Variants in SEL1L3 observed in about 807,000 individuals in gnomAD.
The protein encoded by SEL1L3 is protein sel-1 homolog 3.
Under a neutral mutation model 142.8 loss-of-function variants are expected in SEL1L3, and 76 were observed. That is an observed-to-expected ratio of 0.53 (90% CI 0.44 to 0.64). SEL1L3 has a LOEUF of 0.64. Among genes scored for constraint, SEL1L3 ranks in the 30% least tolerant of loss-of-function variants. SEL1L3 has a pLI of 0.00. For synonymous variants in SEL1L3, 504 were observed against 519.6 expected (o/e 0.97, Z 0.41); for missense variants, 1,262 against 1,381.7 (o/e 0.91, Z 1.37).
At chr4:25,828,030 T>C (rs74775166) in intron 6 of SEL1L3, among the ~76,000 whole-genome samples, 3 of 152,346 alleles carry the variant, frequency 2.0e-5, no homozygotes, top group East Asian at 3.9e-4. Context: ...CCACCTGTTA[T>C]ATAACAACAC....
At chr4:25,809,291 C>T (rs1713852096) in intron 9 of SEL1L3, among the ~76,000 whole-genome samples, 1 of 147,044 alleles carries the variant, frequency 6.8e-6, no homozygotes, top group South Asian at 2.2e-4. Flanking sequence ...TACAGGGATG[C>T]ACACCGTGCT....
intron 3 of SEL1L3, among the ~76,000 whole-genome samples, chr4:25,834,177 G>C (rs1577674795): frequency 6.6e-6 from 1 of 152,136 alleles, no homozygotes; most frequent in Non-Finnish European, 1.5e-5. Context: ...CTGGACTGGG[G>C]CTATTTTAGT....
chr4:25,815,368 A>G (rs958152028), intron 9 of SEL1L3, among the ~76,000 whole-genome samples: 1 of 152,208 alleles, frequency 6.6e-6, no homozygotes, highest in Non-Finnish European at 1.5e-5. Flanking sequence ...GCCCATACCC[A>G]GGGAGTCTTA....
intron 1 of SEL1L3, among the ~76,000 whole-genome samples, chr4:25,851,338 A>AT (rs979781596): frequency 3.6e-4 from 54 of 152,040 alleles, no homozygotes; most frequent in African/African-American, 1.3e-3. Flanking sequence ...GTCACTTCCC[A>AT]TTTTTTTGCT....
intron 2 of SEL1L3, among the ~76,000 whole-genome samples, chr4:25,838,853 A>C (rs1158144003): frequency 6.6e-6 from 1 of 152,208 alleles, no homozygotes; most frequent in Non-Finnish European, 1.5e-5. Context: ...CAGCTGAGTG[A>C]TCAGAACCCT....
At chr4:25,820,651 A>G (rs181454742) in intron 7 of SEL1L3, among the ~76,000 whole-genome samples, 6 of 152,380 alleles carry the variant, frequency 3.9e-5, no homozygotes, top group African/African-American at 1.4e-4. Context: ...AGAACACAAA[A>G]TATCAGCGTG....
At chr4:25,784,456 T>A (rs1368651175) in intron 13 of SEL1L3, among the ~76,000 whole-genome samples, 166 bp from the exon 14 acceptor site, 1 of 152,230 alleles carries the variant, frequency 6.6e-6, no homozygotes, top group Non-Finnish European at 1.5e-5. Flanking sequence ...ATTATCATCA[T>A]CATTATTATT....
chr4:25,751,794 G>A (rs1412211497), intron 23 of SEL1L3, among the ~76,000 whole-genome samples: 1 of 151,868 alleles, frequency 6.6e-6, no homozygotes, highest in African/African-American at 2.4e-5. Flanking sequence ...ATCAGTCAAT[G>A]TTTTTGTTGA....
intron 13 of SEL1L3, among the ~76,000 whole-genome samples, chr4:25,784,550 T>TG (rs551920410): frequency 1.1e-3 from 161 of 152,276 alleles, no homozygotes; most frequent in African/African-American, 3.7e-3. Flanking sequence ...ACCCTGTCAA[T>TG]CCACAGGTAC....
intron 11 of SEL1L3, among the ~76,000 whole-genome samples, chr4:25,796,935 G>C (rs569179892): frequency 9.3e-5 from 14 of 151,236 alleles, no homozygotes; most frequent in African/African-American, 3.2e-4. Flanking sequence ...ATGGAAGAGA[G>C]GTAATGAAAG....
Position 25,847,707 on chromosome 4 carries a change from T to C in SEL1L3, c.320A>G (p.Gln107Arg), listed in dbSNP as rs16877661. The C allele has an allele frequency of 3.5e-3, 5,722 of 1,613,906 alleles. 165 individuals are homozygous for C. The African/African-American group carries it at 0.065, about 18-fold the overall frequency. ...TGCTTCCAAATTGACAACACAAGGC[T>C]GAGAGCATAAATACTCAACCGAGAC... The part of the protein sequence containing the change: ...SEVSVEYLCS[Q>R]PCVVNLEAVV... Residue 107 changes from glutamine (Q) to arginine (R), a missense_variant, in exon 2 of 24, where the codon CAG (glutamine) becomes CGG (arginine). Gln to Arg is a conservative substitution (Grantham distance 43). Around this residue, in one of 3 missense-constraint regions of SEL1L3, gnomAD observed 689 missense variants for 692.8 expected, o/e 0.99. Coordinates refer to ENST00000399878, the MANE Select transcript of SEL1L3 (RefSeq NM_015187.5).
the SEL1L3 span, among the ~76,000 whole-genome samples, chr4:25,735,526 A>G: frequency 6.6e-6 from 1 of 151,154 alleles, no homozygotes; most frequent in African/African-American, 2.4e-5. Context: ...AATTTCACCA[A>G]TTTCTTCTCT....
At position 25,819,814 on chromosome 4, in the gene SEL1L3, C is replaced by A; in HGVS notation, c.1417G>T (p.Glu473Ter). 6.2e-7 allele frequency: 1 copy of A among 1,611,532 alleles called. No individual in the cohort carries two copies. The highest frequency in any genetic ancestry group is 8.5e-7 in the Non-Finnish European group (1 of 1,179,048). ...SAAKHGGERQ[E>*]ACHLHNSYLD... Reference sequence around the variant, plus strand: ...CCTGAAGCTCAACACTTACATGCTTCTTGTCTCTCGCCCCCGTGCTTTGCT... The same window carrying A: ...CCTGAAGCTCAACACTTACATGCTTATTGTCTCTCGCCCCCGTGCTTTGCT... Residue 473 changes from glutamate to a stop codon, truncating the protein, a stop_gained, in exon 8 of 24, where the codon GAA (glutamate) becomes TAA (stop). Coordinates refer to ENST00000399878, the MANE Select transcript of SEL1L3 (RefSeq NM_015187.5). LOFTEE classifies it high-confidence loss of function.
At chr4:25,835,128 C>G in intron 3 of SEL1L3, 69 bp downstream of exon 3, 6 of 1,562,826 alleles carry the variant, frequency 3.8e-6, no homozygotes, top group Non-Finnish European at 4.4e-6. Context: ...AATTCTTCCA[C>G]TAGCCTGCTC....
chr4:25,781,160 T>C (rs1719974428), intron 15 of SEL1L3, among the ~76,000 whole-genome samples: 2 of 152,126 alleles, frequency 1.3e-5, no homozygotes, highest in East Asian at 3.9e-4. Context: ...GAACTTGTTT[T>C]AGTTCTCTGC....
intron 17 of SEL1L3, among the ~76,000 whole-genome samples, chr4:25,768,162 A>G (rs1229519888): frequency 3.9e-5 from 6 of 152,190 alleles, no homozygotes; most frequent in Admixed American, 3.3e-4. Flanking sequence ...TAGAGGAGAT[A>G]AATGGTGTTA....
rs757814681 is a variant in SEL1L3 at position 25,802,311 on chromosome 4, A to T, written c.1928T>A (p.Leu643His). 57 of 1,613,558 alleles carry T rather than the reference A, an allele frequency of 3.5e-5. No homozygotes were observed. The South Asian group carries it at 6.2e-4, about 17-fold the overall frequency. Residue 643 changes from leucine (L) to histidine (H), a missense_variant, in exon 11 of 24, where the codon CTT (leucine) becomes CAT (histidine). Leu to His is a moderately conservative substitution (Grantham distance 99). Coordinates refer to ENST00000399878, the MANE Select transcript of SEL1L3 (RefSeq NM_015187.5). ...YYSNIATKTPLDQHTLQGDQA... is the reference protein window; with the variant it reads ...YYSNIATKTPHDQHTLQGDQA... The stretch of plus-strand genomic sequence containing the variant: ...ATCTCCTTGCAGTGTGTGCTGGTCA[A>T]GGGGTGTCTTGGTGGCAATGTTGCT...
At chr4:25,829,310 T>C (rs903523477) in intron 6 of SEL1L3, among the ~76,000 whole-genome samples, 3 of 152,236 alleles carry the variant, frequency 2.0e-5, no homozygotes, top group African/African-American at 7.2e-5. Context: ...AGATGTTCTT[T>C]GACATACAAT....
At chr4:25,784,671 G>A (rs1378344039) in intron 13 of SEL1L3, among the ~76,000 whole-genome samples, 1 of 152,240 alleles carries the variant, frequency 6.6e-6, no homozygotes, top group Non-Finnish European at 1.5e-5. Context: ...GTGTTGGACA[G>A]TCAAGAGTTA....
Sources: allele counts gnomAD v4.1 joint callset (sites outside exome capture counted in the v4.1 genomes callset), GRCh38; gene constraint gnomAD v4.1.1; regional missense constraint gnomAD v4.1.1; transcripts MANE v1.5; gene names NCBI Gene and HGNC (gene_info 2026-07-23, HGNC 2026-07-21).